Variants in CDC42BPG observed in about 807,000 individuals in gnomAD.
CDC42BPG encodes CDC42 binding protein kinase gamma, also known as serine/threonine-protein kinase MRCK gamma.
In CDC42BPG, 157 loss-of-function variants were observed where a neutral mutation model predicts 192.2. The observed-to-expected ratio is 0.82, with a 90% confidence interval of 0.72 to 0.93. The LOEUF (loss-of-function observed/expected upper bound fraction) is 0.93, where lower values mean the gene tolerates loss of function less well. Among genes scored for constraint, CDC42BPG ranks in the 40% least tolerant of loss-of-function variants. The probability of loss-of-function intolerance (pLI) is 0.00; values close to 1 mark genes in which losing one functional copy is unlikely to be tolerated. For missense variants in CDC42BPG, 1,992 were observed against 2,122.1 expected (o/e 0.94, Z 1.20); for synonymous variants, 981 against 918.5 (o/e 1.07, Z -1.23).
In CDC42BPG at chr11:64,834,299, G is replaced by C; in HGVS notation, c.2380C>G (p.Leu794Val). ...CCTCGGGCCCGCAGCTCCTCCCGCA[G>C]CATGGCGAGCTCCTGTTGCAGGGCC... ...SQALQQELAM[L>V]REELRARGPV... Residue 794 changes from leucine (L) to valine (V), a missense_variant, in exon 20 of 37, where the codon CTG (leucine) becomes GTG (valine). Physicochemically the swap from Leu to Val is conservative, Grantham distance 32. Around this residue, in one of 2 missense-constraint regions of CDC42BPG, gnomAD observed 1,656 missense variants for 1,844.3 expected, o/e 0.90. Transcript: ENST00000342711. The C allele has an allele frequency of 6.3e-7, 1 of 1,579,852 alleles. No homozygotes were observed. The highest frequency in any genetic ancestry group is 8.6e-7 in the Non-Finnish European group (1 of 1,167,842).
At position 64,844,464 on chromosome 11, in the gene CDC42BPG, G is replaced by T; in HGVS notation, c.106C>A (p.Leu36Ile). 6.8e-7 allele frequency: 1 copy of T among 1,464,262 alleles called. No individual in the cohort carries two copies. Among genetic ancestry groups the T allele is most frequent in the Non-Finnish European group, 9.0e-7 (1 of 1,113,336 alleles). The allele number at this position is 1,464,262 out of a possible 1,614,324, so 90.7% of individuals were successfully genotyped here. Residue 36 changes from leucine to isoleucine, a missense_variant, in exon 1 of 37, where the codon CTC becomes ATC. Physicochemically the swap from Leu to Ile is conservative, Grantham distance 5. Around this residue, in one of 2 missense-constraint regions of CDC42BPG, gnomAD observed 1,656 missense variants for 1,844.3 expected, o/e 0.90. Transcript: ENST00000342711. ...LDLLLALHHE[L>I]SSGPLRRERS... ...TCCCGCCGTAGGGGGCCGCTGCTGA[G>T]CTCGTGGTGCAGCGCCAGCAGCAGA...
intron 10 of CDC42BPG, 46 bp from the exon 11 acceptor site, chr11:64,836,865 C>CGCA (rs1943040603): frequency 1.2e-6 from 2 of 1,609,878 alleles, no homozygotes; most frequent in Non-Finnish European, 1.7e-6. Context: ...CCTCCATTCC[C>CGCA]GCAGCAGCAG....
chr11:64,826,557 T>C lies in CDC42BPG; in HGVS notation c.4514-2A>G. 1 of 1,599,874 alleles carries C rather than the reference T, an allele frequency of 6.3e-7. No homozygotes were observed. Among genetic ancestry groups the C allele is most frequent in the Non-Finnish European group, 8.5e-7 (1 of 1,174,234 alleles). On this transcript the variant is annotated splice_acceptor_variant, in intron 35 of 36. Transcript: ENST00000342711. LOFTEE classifies it high-confidence loss of function. ...GGGATGTCCAGGGTTTCCTCTTCAC[T>C]GCTCCAGCAGCAGACGAGGAGACAA...
intron 3 of CDC42BPG, among the ~76,000 whole-genome samples, chr11:64,841,079 A>G (rs1431823262): frequency 1.3e-5 from 2 of 149,064 alleles, no homozygotes; most frequent in African/African-American, 5.0e-5. Context: ...TGCACCCAGG[A>G]GGTGGAGGTT....
intron 1 of CDC42BPG, among the ~76,000 whole-genome samples, chr11:64,843,347 G>T (rs541102681): frequency 2.2e-4 from 33 of 152,232 alleles, no homozygotes; most frequent in Admixed American, 9.1e-4. Flanking sequence ...GTCATGGGGG[G>T]GGTGACAACA....
In CDC42BPG at chr11:64,835,766, G is replaced by A. The variant is rs1470796020; in HGVS notation, c.1754C>T (p.Ala585Val). The A allele has an allele frequency of 6.2e-7, 1 of 1,613,488 alleles. No homozygotes were observed. The highest frequency in any genetic ancestry group is 1.7e-5 in the Admixed American group (1 of 60,002). ...WEQRLEESSQ[A>V]KTIHTASETN... ...CAAGGGGGAGGACTTGACTACCTTG[G>A]CCTGGGACGACTCCTCAAGGCGTTG... The change falls in exon 14 of 37, where the codon GCC becomes GTC. Residue 585 changes from alanine to valine, a missense_variant. Ala to Val is a moderately conservative substitution (Grantham distance 64, BLOSUM62 0). Transcript: ENST00000342711.
At position 64,827,780 on chromosome 11, in the gene CDC42BPG, T is replaced by C; in HGVS notation, c.3971A>G (p.Tyr1324Cys). The C allele has an allele frequency of 1.2e-6, 2 of 1,606,064 alleles. No individual in the cohort carries two copies. Among genetic ancestry groups the C allele is most frequent in the Non-Finnish European group, 1.7e-6 (2 of 1,175,752 alleles). ...LWPAAPMGWG[Y>C]AAPYLTVFSE... The stretch of plus-strand genomic sequence containing the variant: ...GAACACTGTCAGGTAGGGGGCCGCA[T>C]ACCCTGCGGGCACGCCAGGCACCTC... Residue 1324 changes from tyrosine (Y) to cysteine (C), a missense_variant, in exon 31 of 37, where the codon TAT becomes TGT. Tyr to Cys is a radical substitution (Grantham distance 194). This residue lies in a region of CDC42BPG where 1,656 missense variants were observed against 1,844.3 expected (regional missense o/e 0.90). Coordinates refer to ENST00000342711, the MANE Select transcript of CDC42BPG (RefSeq NM_017525.3).
In CDC42BPG at chr11:64,832,367, C is replaced by T. The variant is rs1038062006; in HGVS notation, c.3087+61G>A. ...CAGTATGAAGTGGGGGGACAGTGGC[C>T]AGAGCTGGGACAGCATGGGGAGGTG... On this transcript the variant is annotated intron_variant, in intron 27 of 36. Coordinates refer to ENST00000342711, the MANE Select transcript of CDC42BPG (RefSeq NM_017525.3). 2.3e-5 allele frequency: 36 copies of T among 1,541,126 alleles called. No individual in the cohort carries two copies. In the African/African-American group the frequency reaches 3.9e-4, roughly 17 times the overall value.
At chr11:64,839,371 T>G in intron 6 of CDC42BPG, 107 bp downstream of exon 6, 1 of 1,493,792 alleles carries the variant, frequency 6.7e-7, no homozygotes, top group Non-Finnish European at 9.2e-7. Flanking sequence ...CTCACCCACC[T>G]TCCCCGGGGG....
chr11:64,831,806 C>T, intron 27 of CDC42BPG, 85 bp from the exon 28 acceptor site: 1 of 1,282,086 alleles, frequency 7.8e-7, no homozygotes, highest in Non-Finnish European at 1.1e-6. Context: ...CCGCTGTGCC[C>T]CGGGGGCCTA....
intron 1 of CDC42BPG, 110 bp downstream of exon 1, chr11:64,844,300 G>A: frequency 9.0e-7 from 1 of 1,108,132 alleles, no homozygotes; most frequent in Non-Finnish European, 1.2e-6. Flanking sequence ...CAGGGAGTCT[G>A]CGAGGGAAGC....
At chr11:64,836,572 C>T in intron 11 of CDC42BPG, 42 bp from the exon 12 acceptor site, 1 of 1,556,800 alleles carries the variant, frequency 6.4e-7, no homozygotes, top group Non-Finnish European at 8.9e-7. Context: ...CTGGCGGCCC[C>T]AGCCTCTCAG....
Position 64,838,142 on chromosome 11 carries a change from G to A in CDC42BPG, c.1146C>T (p.Ser382=), listed in dbSNP as rs1211596138. 5 of 1,553,560 alleles carry A rather than the reference G, an allele frequency of 3.2e-6. No homozygotes were observed. In the Admixed American group the frequency reaches 9.7e-5, roughly 30 times the overall value. ...GGTGATGGCCGGAGAAGGCCCCGTG[G>A]GAGGGCGGTGGCAGGGTCCCCTGCA... The part of the protein sequence containing the change: ...LNHPGTLPPP[S]HGAFSGHHLP... The change falls in exon 9 of 37, where the codon TCC becomes TCT. Residue 382 remains serine, a synonymous_variant. Coordinates refer to ENST00000342711, the MANE Select transcript of CDC42BPG (RefSeq NM_017525.3).
At chr11:64,830,399 TTC>T (rs1211490488) in intron 28 of CDC42BPG, 143 bp from the exon 29 acceptor site, 5 of 739,618 alleles carry the variant, frequency 6.8e-6, no homozygotes, top group Non-Finnish European at 1.2e-5. Context: ...TCACTGACCC[TTC>T]TCTCCCAGTC....
In CDC42BPG at chr11:64,829,914, T is replaced by C; in HGVS notation, c.3524A>G (p.Glu1175Gly). ...TGCCAGCACCTGGCAGCCTCGAGACTCGGGGATCTTGGCACCTGCTACCTC... is the reference window on the plus strand; with the variant it reads ...TGCCAGCACCTGGCAGCCTCGAGACCCGGGGATCTTGGCACCTGCTACCTC... ...NIEVAGAKIP[E>G]SRGCQVLAAG... Residue 1175 changes from glutamate (E) to glycine (G), a missense_variant, in exon 30 of 37, where the codon GAG (glutamate) becomes GGG (glycine). This residue lies in a region of CDC42BPG where 1,656 missense variants were observed against 1,844.3 expected (regional missense o/e 0.90). Coordinates refer to ENST00000342711, the MANE Select transcript of CDC42BPG (RefSeq NM_017525.3). 1 of 1,610,598 alleles carries C rather than the reference T, an allele frequency of 6.2e-7. No individual in the cohort carries two copies. Among genetic ancestry groups the C allele is most frequent in the Non-Finnish European group, 8.5e-7 (1 of 1,178,930 alleles).
intron 35 of CDC42BPG, 26 bp downstream of exon 35, chr11:64,826,645 A>G: frequency 6.3e-7 from 1 of 1,585,470 alleles, no homozygotes; most frequent in Non-Finnish European, 8.6e-7. Context: ...GGGGTGGCAC[A>G]CTGGAGGCTG....
Position 64,844,509 on chromosome 11 carries a change from C to A in CDC42BPG, c.61G>T (p.Gly21Trp). Residue 21 changes from glycine (G) to tryptophan (W), a missense_variant, in exon 1 of 37, where the codon GGG (glycine) becomes TGG (tryptophan). Transcript: ENST00000342711. The part of the protein sequence containing the change: ...LARGEAGGCP[G>W]LDGLLDLLLA... ...AGCAGATCTAGGAGGCCGTCGAGCC[C>A]CGGGCAGCCGCCGGCCTCGCCCCGC... 1 of 1,344,870 alleles carries A rather than the reference C, an allele frequency of 7.4e-7. No homozygotes were observed. The highest frequency in any genetic ancestry group is 9.5e-7 in the Non-Finnish European group (1 of 1,048,246). The allele number at this position is 1,344,870 out of a possible 1,614,324, so 83.3% of individuals were successfully genotyped here. A position where few individuals can be genotyped will look rare whatever the true frequency, so the allele number is the denominator to read the frequency against.
chr11:64,825,562 A>G (rs1189036679), intron 36 of CDC42BPG, among the ~76,000 whole-genome samples: 1 of 152,170 alleles, frequency 6.6e-6, no homozygotes, highest in Admixed American at 6.5e-5. Context: ...CAGGGGCAAG[A>G]GCCTGCAGGT....
chr11:64,835,017 T>TTGGCCCC, intron 17 of CDC42BPG, 30 bp downstream of exon 17: 13 of 1,571,888 alleles, frequency 8.3e-6, no homozygotes, highest in Non-Finnish European at 1.1e-5. Flanking sequence ...TCGCCTGCGT[T>TTGGCCCC]CCCCACCCCG....
Sources: gnomAD v4.1 joint callset for allele counts (sites outside exome capture counted in the v4.1 genomes callset) on GRCh38, gnomAD v4.1.1 for gene constraint, gnomAD v4.1.1 regional missense constraint, MANE v1.5 for transcripts, NCBI Gene and HGNC (gene_info 2026-07-23, HGNC 2026-07-21) for gene names.